KCTD19: variants seen among roughly 807,000 people sequenced by gnomAD.
KCTD19 encodes BTB/POZ domain-containing protein KCTD19.
Under a neutral mutation model 103.5 loss-of-function variants are expected in KCTD19, and 67 were observed. That is an observed-to-expected ratio of 0.65 (90% CI 0.53 to 0.79). KCTD19 has a LOEUF of 0.79. KCTD19 is among the 30% of genes least tolerant of loss of function. The pLI is 0.00. For synonymous variants in KCTD19, 439 were observed against 452.2 expected, an observed-to-expected ratio of 0.97 and a Z score of 0.37; for missense variants, 980 against 1,136.1, an observed-to-expected ratio of 0.86 and a Z score of 1.98.
In KCTD19 at chr16:67,289,562, G is replaced by A. The variant is rs1290506550; in HGVS notation, c.*7C>T. The A allele has an allele frequency of 1.3e-6, 2 of 1,583,180 alleles. No homozygotes were observed. Among genetic ancestry groups the A allele is most frequent in the Non-Finnish European group, 1.7e-6 (2 of 1,152,376 alleles). On this transcript the variant is annotated 3_prime_UTR_variant, in exon 16 of 16. Transcript: ENST00000304372. Reference sequence around the variant, plus strand: ...GTGGGGCATGAGGGGCTGCATCTCTGGGCACCCTAGTCCTCTTGTAGGTAC... The same window carrying A: ...GTGGGGCATGAGGGGCTGCATCTCTAGGCACCCTAGTCCTCTTGTAGGTAC...
chr16:67,299,428 G>C lies in KCTD19; in HGVS notation c.921C>G (p.Ile307Met). ...YPDSALGQLR[I>M]ESTLDGSRLY... Reference sequence around the variant, plus strand: ...GTCGGCTTCCGTCTAGCGTGCTCTCGATGCGAAGCTGGCCCAGCGCAGAGT... The same window carrying C: ...GTCGGCTTCCGTCTAGCGTGCTCTCCATGCGAAGCTGGCCCAGCGCAGAGT... Residue 307 changes from isoleucine (I) to methionine (M), a missense_variant, in exon 6 of 16, where the codon ATC (isoleucine) becomes ATG (methionine). Transcript: ENST00000304372. 6.2e-7 allele frequency: 1 copy of C among 1,614,246 alleles called. No individual in the cohort carries two copies. The highest frequency in any genetic ancestry group is 1.1e-5 in the South Asian group (1 of 91,086).
rs77212379 is a variant in KCTD19 at position 67,316,656 on chromosome 16, A to G, written c.300+3933T>C. Among the ~76,000 whole-genome samples the G allele has an allele frequency of 5.7e-3, 864 of 152,364 alleles. 6 individuals are homozygous for G. The highest frequency in any genetic ancestry group is 0.019 in the African/African-American group (804 of 41,584). On this transcript the variant is annotated intron_variant, in intron 2 of 15. Coordinates refer to ENST00000304372, the MANE Select transcript of KCTD19 (RefSeq NM_001100915.3). ...ATGCCCTCCTCCTTCATTATTACACAGGAAGCACTGTTTTAATTGTCTTCA... is the reference window on the plus strand; with the variant it reads ...ATGCCCTCCTCCTTCATTATTACACGGGAAGCACTGTTTTAATTGTCTTCA...
At chr16:67,312,238 T>G (rs1353724389) in intron 2 of KCTD19, among the ~76,000 whole-genome samples, 1 of 152,194 alleles carries the variant, frequency 6.6e-6, no homozygotes, top group East Asian at 1.9e-4. Context: ...TAATTTGCCA[T>G]GAAACTTAAA....
intron 2 of KCTD19, among the ~76,000 whole-genome samples, chr16:67,308,170 CTTT>C (rs554751590): frequency 5.2e-5 from 7 of 134,548 alleles, no homozygotes; most frequent in Admixed American, 7.5e-5. Flanking sequence ...TCTTTCTTTT[CTTT>C]TTTTTTTTTT....
chr16:67,291,246 G>T (rs1020494933), intron 14 of KCTD19, 63 bp downstream of exon 14: 172 of 1,557,208 alleles, frequency 1.1e-4, no homozygotes, highest in Non-Finnish European at 1.4e-4. Flanking sequence ...CACTTATTGT[G>T]GGGCAGGGGA....
chr16:67,314,799 T>TTATATATATATATATATA (rs138495581), intron 2 of KCTD19, among the ~76,000 whole-genome samples: 3 of 45,896 alleles, frequency 6.5e-5, no homozygotes, highest in African/African-American at 3.2e-4. Flanking sequence ...TCACTTAGCA[T>TTATATATATATATATATA]TATATATATA....
intron 13 of KCTD19, 69 bp from the exon 14 acceptor site, chr16:67,291,532 G>A (rs78861135): frequency 8.9e-6 from 14 of 1,574,510 alleles, no homozygotes; most frequent in African/African-American, 1.3e-5. Flanking sequence ...AGTGTGAGGA[G>A]GGGGAGAGGG....
chr16:67,319,478 G>A (rs973273481), intron 2 of KCTD19, among the ~76,000 whole-genome samples: 1 of 152,026 alleles, frequency 6.6e-6, no homozygotes, highest in Non-Finnish European at 1.5e-5. Flanking sequence ...TTGTACAGAT[G>A]GTAGGATTAA....
At position 67,295,350 on chromosome 16, in the gene KCTD19, G is replaced by A. The variant is rs759202505; in HGVS notation, c.1304C>T (p.Thr435Ile). Residue 435 changes from threonine to isoleucine, a missense_variant, in exon 9 of 16, where the codon ACC becomes ATC. Coordinates refer to ENST00000304372, the MANE Select transcript of KCTD19 (RefSeq NM_001100915.3). ...CTGGCCATCCCCGTGGATGAGCAGG[G>A]TTTGTCCATATGTGATCCAGTACAC... ...QRVYWITYGQTLLIHGDGQMF... is the reference protein window; with the variant it reads ...QRVYWITYGQILLIHGDGQMF... 4 of 1,614,150 alleles carry A rather than the reference G, an allele frequency of 2.5e-6. No individual in the cohort carries two copies. The highest frequency in any genetic ancestry group is 2.5e-6 in the Non-Finnish European group (3 of 1,180,010).
chr16:67,299,667 T>C, intron 5 of KCTD19, 94 bp from the exon 6 acceptor site: 1 of 966,902 alleles, frequency 1.0e-6, no homozygotes, highest in Non-Finnish European at 1.6e-6. Flanking sequence ...GCCTCCATTG[T>C]ACCGAGGAGG....
At chr16:67,304,690 G>A (rs1597396112) in intron 2 of KCTD19, 119 bp from the exon 3 acceptor site, 5 of 840,050 alleles carry the variant, frequency 6.0e-6, no homozygotes, top group African/African-American at 3.4e-5. Context: ...TTGAGACAGA[G>A]TCTCGTTTTG....
In KCTD19 at chr16:67,293,231, C is replaced by T. The variant is rs2036720295; in HGVS notation, c.2218+313G>A. 2.6e-5 allele frequency among the ~76,000 whole-genome samples: 4 copies of T among 152,152 alleles called. No individual in the cohort carries two copies. Among genetic ancestry groups the T allele is most frequent in the Admixed American group, 2.6e-4 (4 of 15,288 alleles). The stretch of plus-strand genomic sequence containing the variant: ...GCCTGGCCTCCAGCTAGACCCATGC[C>T]CTGCGCTTCCAAACATCCTGGACTT... On this transcript the variant is annotated intron_variant, in intron 12 of 15. Coordinates refer to ENST00000304372, the MANE Select transcript of KCTD19 (RefSeq NM_001100915.3). This position sits in a 1 kb window ranked among gnomAD's most constrained non-coding sequence, Gnocchi z 4.0.
Position 67,301,848 on chromosome 16 carries a change from C to T in KCTD19, c.718G>A (p.Glu240Lys), listed in dbSNP as rs1444575040. The change falls in exon 5 of 16, where the codon GAA becomes AAA. Residue 240 changes from glutamate to lysine, a missense_variant. Coordinates refer to ENST00000304372, the MANE Select transcript of KCTD19 (RefSeq NM_001100915.3). ...SNIDVLEAEV[E>K]ILEIPALTEA... is the part of the protein sequence containing the mutation. ...GTGAGTGCAGGGATTTCCAGAATTT[C>T]CACTTCTGCTTCTAATACATCAATG... 6.2e-7 allele frequency: 1 copy of T among 1,613,440 alleles called. No homozygotes were observed. The highest frequency in any genetic ancestry group is 2.2e-5 in the East Asian group (1 of 44,886).
At position 67,301,804 on chromosome 16, in the gene KCTD19, G is replaced by GT. The variant is rs776476331; in HGVS notation, c.761dup (p.Tyr254Ter). The change falls in exon 5 of 16, where the codon TAC becomes TAAC. Residue 254 changes from tyrosine to a stop codon, truncating the protein, a stop_gained and frameshift_variant. Coordinates refer to ENST00000304372, the MANE Select transcript of KCTD19 (RefSeq NM_001100915.3). LOFTEE classifies it high-confidence loss of function. ...IPALTEAVRW[Y>*]RMNMGGCSPT... ...CTGGCGACATACCCATGTTCATCCG[G>GT]TACCACCTTACGGCTTCAGTGAGTG... 3.1e-6 allele frequency: 5 copies of GT among 1,614,052 alleles called. No homozygotes were observed. In the East Asian group the frequency reaches 1.1e-4, roughly 36 times the overall value.
Position 67,323,911 on chromosome 16 carries a change from G to T in KCTD19, c.3+2794C>A. On this transcript the variant is annotated intron_variant, in intron 1 of 15. Transcript: ENST00000304372. This position sits in a 1 kb window ranked among gnomAD's most constrained non-coding sequence, Gnocchi z 4.1. ...ATCTACAAAAAAAAAAAAAGATGAG[G>T]TACTGTCCATTCCATGGAGCGCATG... 6.6e-6 allele frequency among the ~76,000 whole-genome samples: 1 copy of T among 151,844 alleles called. No homozygotes were observed. The highest frequency in any genetic ancestry group is 1.5e-5 in the Non-Finnish European group (1 of 67,964).
At position 67,294,714 on chromosome 16, in the gene KCTD19, T is replaced by C. The variant is rs1235259860; in HGVS notation, c.1476-20A>G. 3 of 1,563,654 alleles carry C rather than the reference T, an allele frequency of 1.9e-6. No homozygotes were observed. Among genetic ancestry groups the C allele is most frequent in the South Asian group, 2.2e-5 (2 of 90,034 alleles). The stretch of plus-strand genomic sequence containing the variant: ...CATGACCTGCAGAAACCAAGAGGGG[T>C]TGGTTAGTGAGTAGAGACTTCCATC... On this transcript the variant is annotated intron_variant, in intron 10 of 15. Transcript: ENST00000304372.
At chr16:67,299,318 G>A (rs766197389) in intron 6 of KCTD19, 45 bp downstream of exon 6, 3 of 1,576,236 alleles carry the variant, frequency 1.9e-6, no homozygotes, top group Middle Eastern at 1.7e-4. Context: ...GGGAAGGGCA[G>A]AGCCAAGGGT....
At chr16:67,315,919 A>G (rs945412499) in intron 2 of KCTD19, among the ~76,000 whole-genome samples, 3 of 152,016 alleles carry the variant, frequency 2.0e-5, no homozygotes, top group African/African-American at 7.3e-5. Context: ...TGGCCTAACT[A>G]TTACTAATGT....
rs756760897 is a variant in KCTD19, at chr16:67,294,655, A to T, written c.1515T>A (p.Ala505=). The T allele has an allele frequency of 6.2e-7, 1 of 1,614,152 alleles. No individual in the cohort carries two copies. Among genetic ancestry groups the T allele is most frequent in the Non-Finnish European group, 8.5e-7 (1 of 1,180,026 alleles). ...CCACATGCAGCCTCCTGATGGAAAA[A>T]GCTTCTTCATTTTCAGATTCTTTCT... ...TQEKESENEE[A]FSIRRLHVVT... Residue 505 remains alanine, a synonymous_variant, in exon 11 of 16, where the codon GCT becomes GCA. Coordinates refer to ENST00000304372, the MANE Select transcript of KCTD19 (RefSeq NM_001100915.3).
Sources: allele counts gnomAD v4.1 joint callset (sites outside exome capture counted in the v4.1 genomes callset), GRCh38; gene constraint gnomAD v4.1.1; non-coding constraint Gnocchi (gnomAD v3.1); transcripts MANE v1.5; gene names NCBI Gene and HGNC (gene_info 2026-07-23, HGNC 2026-07-21).